SPMAP2L: variants seen among roughly 807,000 people sequenced by gnomAD.
SPMAP2L encodes sperm microtubule associated protein 2 like.
chr4:56,591,887 A>G, the SPMAP2L span, among the ~76,000 whole-genome samples: 10 of 152,144 alleles, frequency 6.6e-5, no homozygotes, highest in African/African-American at 2.4e-4. Flanking sequence ...ACTTAAATTC[A>G]CTTTAAGCAT....
the SPMAP2L span, among the ~76,000 whole-genome samples, chr4:56,544,366 T>A: frequency 6.6e-6 from 1 of 152,200 alleles, no homozygotes; most frequent in Non-Finnish European, 1.5e-5. Flanking sequence ...TGGGTTCTTT[T>A]AAGAGCTTGC....
At chr4:56,600,087 T>C in the SPMAP2L span, among the ~76,000 whole-genome samples, 1 of 144,932 alleles carries the variant, frequency 6.9e-6, no homozygotes, top group South Asian at 2.1e-4. Flanking sequence ...TTTTTGTTTT[T>C]CTTTGCTTTC....
the SPMAP2L span, chr4:56,575,647 A>C: frequency 1.3e-3 from 2,011 of 1,534,596 alleles, 21 homozygotes; most frequent in African/African-American, 0.023. Context: ...AAATAGGTAG[A>C]GTATCTTGAG....
chr4:56,543,667 G>A, the SPMAP2L span, among the ~76,000 whole-genome samples: 1 of 152,032 alleles, frequency 6.6e-6, no homozygotes, highest in Non-Finnish European at 1.5e-5. Context: ...TCCAGCCTGG[G>A]TGACAGAGTG....
At chr4:56,589,834 A>T in the SPMAP2L span, among the ~76,000 whole-genome samples, 1 of 152,046 alleles carries the variant, frequency 6.6e-6, no homozygotes, top group South Asian at 2.1e-4. Flanking sequence ...CTGTTGGTGC[A>T]TAGAAGAGCT....
At chr4:56,625,383 G>C in the SPMAP2L span, among the ~76,000 whole-genome samples, 1 of 152,102 alleles carries the variant, frequency 6.6e-6, no homozygotes, top group Admixed American at 6.5e-5. Context: ...AGACTTTGGG[G>C]GACTGTTGGG....
the SPMAP2L span, among the ~76,000 whole-genome samples, chr4:56,624,661 G>A: frequency 0.034 from 5,165 of 152,324 alleles, 246 homozygotes; most frequent in African/African-American, 0.11. Flanking sequence ...TGGCTTCAGA[G>A]GGTGGAAGCT....
the SPMAP2L span, among the ~76,000 whole-genome samples, chr4:56,545,494 G>A: frequency 6.6e-6 from 1 of 152,116 alleles, no homozygotes; most frequent in Admixed American, 6.5e-5. Flanking sequence ...GGGAGGCCAA[G>A]GTAGGAGGAT....
chr4:56,595,410 A>T, the SPMAP2L span: 1 of 1,605,688 alleles, frequency 6.2e-7, no homozygotes, highest in Non-Finnish European at 8.5e-7. Flanking sequence ...AGCTGGACAG[A>T]TTCTGTGATG....
the SPMAP2L span, among the ~76,000 whole-genome samples, chr4:56,584,867 C>T: frequency 6.6e-6 from 1 of 152,102 alleles, no homozygotes; most frequent in African/African-American, 2.4e-5. Context: ...GTGGAGAAGC[C>T]TGTGGAAGGC....
At chr4:56,570,460 G>A in the SPMAP2L span, among the ~76,000 whole-genome samples, 1 of 152,158 alleles carries the variant, frequency 6.6e-6, no homozygotes, top group Non-Finnish European at 1.5e-5. Context: ...GCTGTGCAGC[G>A]TGTTACAGAA....
the SPMAP2L span, among the ~76,000 whole-genome samples, chr4:56,546,690 A>C: frequency 2.0e-5 from 3 of 152,202 alleles, no homozygotes; most frequent in African/African-American, 7.2e-5. Flanking sequence ...GCAATAGCAA[A>C]GAGTTATTCA....
the SPMAP2L span, among the ~76,000 whole-genome samples, chr4:56,562,899 T>A: frequency 1.4e-5 from 2 of 147,830 alleles, no homozygotes; most frequent in Non-Finnish European, 3.0e-5. Flanking sequence ...AACTTTTTTT[T>A]AGGAAGAGTA....
the SPMAP2L span, chr4:56,595,724 C>T: frequency 2.1e-6 from 2 of 960,524 alleles, 1 homozygote; most frequent in South Asian, 2.6e-5. Context: ...CTTCTTAGTC[C>T]TCTCTCCCTA....
chr4:56,619,077 C>A, the SPMAP2L span, among the ~76,000 whole-genome samples: 4 of 152,136 alleles, frequency 2.6e-5, no homozygotes, highest in African/African-American at 9.7e-5. Flanking sequence ...ATTAGGACAC[C>A]ATGCCTATGA....
chr4:56,534,821 C>T, the SPMAP2L span, among the ~76,000 whole-genome samples: 51 of 152,190 alleles, frequency 3.4e-4, 1 homozygote, highest in African/African-American at 1.2e-3. Flanking sequence ...CCCAGCTACT[C>T]GGGAGGCTAA....
At chr4:56,545,343 C>T in the SPMAP2L span, among the ~76,000 whole-genome samples, 1 of 152,124 alleles carries the variant, frequency 6.6e-6, no homozygotes, top group Non-Finnish European at 1.5e-5. Flanking sequence ...ATGTAAGCAA[C>T]CTCAAATCCT....
At chr4:56,548,652 A>G in the SPMAP2L span, 2 of 465,010 alleles carry the variant, frequency 4.3e-6, no homozygotes, top group African/African-American at 2.0e-5. Context: ...TTTGGTACAT[A>G]CTATGATATA....
the SPMAP2L span, among the ~76,000 whole-genome samples, chr4:56,554,694 T>G: frequency 6.6e-6 from 1 of 151,394 alleles, no homozygotes; most frequent in Non-Finnish European, 1.5e-5. Context: ...TTTTTTCTTT[T>G]GTGAATCATG....
Sources: allele counts gnomAD v4.1 joint callset (sites outside exome capture counted in the v4.1 genomes callset), GRCh38; gene constraint gnomAD v4.1.1; transcripts MANE v1.5; gene names NCBI Gene and HGNC (gene_info 2026-07-23, HGNC 2026-07-21).